The following GLYAT variants were observed in gnomAD, a reference collection of about 807,000 sequenced individuals.
GLYAT encodes glycine-N-acyltransferase.
Under a neutral mutation model 22.8 loss-of-function variants are expected in GLYAT, and 25 were observed. That is an observed-to-expected ratio of 1.09 (90% CI 0.80 to 1.53). The LOEUF (loss-of-function observed/expected upper bound fraction) is 1.53. Ranked by LOEUF, GLYAT falls within the 40% of genes most tolerant of loss-of-function variation. GLYAT has a pLI of 0.00. For missense variants in GLYAT, 411 were observed against 353.9 expected, an observed-to-expected ratio of 1.16 and a Z score of -1.29; for synonymous variants, 140 against 122.7, an observed-to-expected ratio of 1.14 and a Z score of -0.93.
At chr11:58,723,461 A>G (rs1037894540) in intron 2 of GLYAT, among the ~76,000 whole-genome samples, 2 of 152,094 alleles carry the variant, frequency 1.3e-5, no homozygotes, top group African/African-American at 4.8e-5. Context: ...TGAAAATAAA[A>G]CTATATAATC....
rs182795896 is a variant in GLYAT, at chr11:58,731,525, G to A, written c.-16+310C>T. Among the ~76,000 whole-genome samples, 10 of 152,260 alleles carry A rather than the reference G, an allele frequency of 6.6e-5. No individual in the cohort carries two copies. In the East Asian group the frequency reaches 1.7e-3, roughly 26 times the overall value. ...TTTAATTTGACTCACTTAAGTGGAA[G>A]AGGTGTCACAAAGCAATAATTACAT... On this transcript the variant is annotated intron_variant, in intron 1 of 5. Coordinates refer to ENST00000344743, the MANE Select transcript of GLYAT (RefSeq NM_201648.3).
chr11:58,724,479 T>A lies in GLYAT; in HGVS notation c.18A>T (p.Gln6His). 1 of 1,605,312 alleles carries A rather than the reference T, an allele frequency of 6.2e-7. No homozygotes were observed. Among genetic ancestry groups the A allele is most frequent in the Non-Finnish European group, 8.5e-7 (1 of 1,173,168 alleles). The change falls in exon 2 of 6, where the codon CAA becomes CAT. Residue 6 changes from glutamine to histidine, a missense_variant. Transcript: ENST00000344743. ...CCAGCATCTGCAGCATCTGGGCACC[T>A]TGCAATGGTAACATCATGGAGGATA... is the stretch of plus-strand genomic sequence containing the variant. Reference protein sequence around the residue: MMLPLQGAQMLQMLEK... With the variant: MMLPLHGAQMLQMLEK...
chr11:58,716,090 G>C (rs1156768143), intron 2 of GLYAT, among the ~76,000 whole-genome samples: 1 of 152,102 alleles, frequency 6.6e-6, no homozygotes, highest in African/African-American at 2.4e-5. Context: ...CCCCTAGCCT[G>C]GGTCCATTCT....
At chr11:58,730,335 T>C (rs1213485533) in intron 1 of GLYAT, among the ~76,000 whole-genome samples, 2 of 152,070 alleles carry the variant, frequency 1.3e-5, no homozygotes, top group African/African-American at 4.8e-5. Context: ...TAGTTGGGTA[T>C]GGTGACACAC....
In GLYAT at chr11:58,712,775, G is replaced by A. The variant is rs748514292; in HGVS notation, c.301C>T (p.His101Tyr). The stretch of plus-strand genomic sequence containing the variant: ...TCTTACTTACTTTGAATCTGTAAAT[G>A]CTGTTTCCAGTTGATGAGTTCTGGT... Reference protein sequence around the residue: ...GSPELINWKQHLQIQSSQPSL... With the variant: ...GSPELINWKQYLQIQSSQPSL... Residue 101 changes from histidine to tyrosine, a missense_variant, in exon 4 of 6, where the codon CAT becomes TAT. By Grantham distance (83) the His-to-Tyr change is moderately conservative. Transcript: ENST00000344743. The A allele has an allele frequency of 6.6e-5, 106 of 1,612,776 alleles. 3 individuals are homozygous for A. The South Asian group carries it at 1.2e-3, about 18-fold the overall frequency.
chr11:58,710,128 G>C lies in GLYAT; in HGVS notation c.529C>G (p.His177Asp). 2 of 1,614,008 alleles carry C rather than the reference G, an allele frequency of 1.2e-6. No individual in the cohort carries two copies. Among genetic ancestry groups the C allele is most frequent in the Non-Finnish European group, 1.7e-6 (2 of 1,179,926 alleles). The change falls in exon 6 of 6, where the codon CAT becomes GAT. Residue 177 changes from histidine (H) to aspartate (D), a missense_variant. Physicochemically the swap from His to Asp is moderately conservative, Grantham distance 81. Coordinates refer to ENST00000344743, the MANE Select transcript of GLYAT (RefSeq NM_201648.3). The stretch of plus-strand genomic sequence containing the variant: ...CAGAATTTATTCACCAAGTGAGCAT[G>C]GGTAACATCCATGGATGAGAGTTTA... Reference protein sequence around the residue: ...MFKLSSMDVTHAHLVNKFWHF... With the variant: ...MFKLSSMDVTDAHLVNKFWHF...
intron 1 of GLYAT, among the ~76,000 whole-genome samples, chr11:58,725,235 C>T (rs1590673998): frequency 6.6e-6 from 1 of 152,210 alleles, no homozygotes; most frequent in Non-Finnish European, 1.5e-5. Flanking sequence ...ATCTTTAAGC[C>T]TTATACTAGG....
chr11:58,723,185 C>A (rs1856772242), intron 2 of GLYAT, among the ~76,000 whole-genome samples: 1 of 151,656 alleles, frequency 6.6e-6, no homozygotes, highest in Non-Finnish European at 1.5e-5. Context: ...TTAAGAGTAG[C>A]CACTAATCAT....
At chr11:58,727,598 G>T (rs1415599104) in intron 1 of GLYAT, among the ~76,000 whole-genome samples, 2 of 152,026 alleles carry the variant, frequency 1.3e-5, no homozygotes, top group East Asian at 1.9e-4. Flanking sequence ...AGACCCGAAG[G>T]TCCTTCCCAC....
chr11:58,729,265 A>G (rs1856847589), intron 1 of GLYAT, among the ~76,000 whole-genome samples: 1 of 152,096 alleles, frequency 6.6e-6, no homozygotes, highest in Non-Finnish European at 1.5e-5. Context: ...CTTCAAGTTT[A>G]CCCGAATAGC....
At position 58,724,425 on chromosome 11, in the gene GLYAT, T is replaced by G. The variant is rs1856790070; in HGVS notation, c.72A>C (p.Ala24=). ...AATTTTCCATTATCACCTTTAAGGA[T>G]GCTGGGAGGCTCTTCCTCAAGGATT... is the stretch of plus-strand genomic sequence containing the variant. ...LEKSLRKSLP[A]SLKVYGTVFH... Residue 24 remains alanine, a synonymous_variant, in exon 2 of 6, where the codon GCA becomes GCC. Transcript: ENST00000344743. 1.1e-5 allele frequency: 18 copies of G among 1,592,138 alleles called. No individual in the cohort carries two copies. Among genetic ancestry groups the G allele is most frequent in the Non-Finnish European group, 1.5e-5 (18 of 1,161,338 alleles).
At position 58,710,033 on chromosome 11, in the gene GLYAT, A is replaced by G; in HGVS notation, c.624T>C (p.Cys208=). ...CAGGGGTCCCCTCAGGCCCCAGGAGACAGCAGGTGGGAAAGGTCTGAATGC... is the reference window on the plus strand; with the variant it reads ...CAGGGGTCCCCTCAGGCCCCAGGAGGCAGCAGGTGGGAAAGGTCTGAATGC... ...ERCIQTFPTC[C]LLGPEGTPVC... is the part of the protein sequence containing the mutation. Residue 208 remains cysteine, a synonymous_variant, in exon 6 of 6, where the codon TGT becomes TGC. Coordinates refer to ENST00000344743, the MANE Select transcript of GLYAT (RefSeq NM_201648.3). 2 of 1,614,094 alleles carry G rather than the reference A, an allele frequency of 1.2e-6. No individual in the cohort carries two copies. The highest frequency in any genetic ancestry group is 1.7e-6 in the Non-Finnish European group (2 of 1,179,976).
At chr11:58,724,361 C>T (rs1856788745) in intron 2 of GLYAT, 55 bp downstream of exon 2, 1 of 929,550 alleles carries the variant, frequency 1.1e-6, no homozygotes, top group South Asian at 1.5e-5. Flanking sequence ...CCCTTTCCCT[C>T]CTCTTTCACA....
At chr11:58,727,710 C>T (rs1415274277) in intron 1 of GLYAT, among the ~76,000 whole-genome samples, 2 of 152,098 alleles carry the variant, frequency 1.3e-5, no homozygotes, top group Admixed American at 6.5e-5. Context: ...CAAGTGGGCT[C>T]AAGCATGTGC....
At chr11:58,723,396 T>C (rs1237377720) in intron 2 of GLYAT, among the ~76,000 whole-genome samples, 2 of 152,128 alleles carry the variant, frequency 1.3e-5, no homozygotes, top group Non-Finnish European at 2.9e-5. Flanking sequence ...GAAGCTATAC[T>C]GTGTTGTTAA....
intron 1 of GLYAT, among the ~76,000 whole-genome samples, chr11:58,728,364 G>A (rs1170625556): frequency 3.3e-5 from 5 of 151,890 alleles, no homozygotes; most frequent in Non-Finnish European, 5.9e-5. Context: ...CCTGGCTAAA[G>A]CTTTTTAAAA....
chr11:58,719,482 T>G (rs994602625), intron 2 of GLYAT, among the ~76,000 whole-genome samples: 1 of 151,984 alleles, frequency 6.6e-6, no homozygotes, highest in African/African-American at 2.4e-5. Context: ...TCAGTGTTCC[T>G]TTGACATTAA....
chr11:58,711,963 C>T (rs566569858), intron 4 of GLYAT, among the ~76,000 whole-genome samples: 10 of 152,208 alleles, frequency 6.6e-5, no homozygotes, highest in Non-Finnish European at 1.2e-4. Context: ...TGCCATCATG[C>T]TGTCACCACA....
rs1000916051 is a variant in GLYAT, at chr11:58,708,908, T to C, written c.*858A>G. 1.3e-5 allele frequency: 2 copies of C among 152,160 alleles called. No homozygotes were observed. Among genetic ancestry groups the C allele is most frequent in the African/African-American group, 4.8e-5 (2 of 41,430 alleles). The allele number at this position is 152,160 out of a possible 1,614,324, so 9.4% of individuals were successfully genotyped here. The stretch of plus-strand genomic sequence containing the variant: ...TGCTGAGGCTAATTGGACAAGCAGG[T>C]GTTCATGCTGTCTCCTCTCCCTTCA... On this transcript the variant is annotated 3_prime_UTR_variant, in exon 6 of 6. Transcript: ENST00000344743.
Sources: allele counts gnomAD v4.1 joint callset (sites outside exome capture counted in the v4.1 genomes callset), GRCh38; gene constraint gnomAD v4.1.1; transcripts MANE v1.5; gene names NCBI Gene and HGNC (gene_info 2026-07-23, HGNC 2026-07-21).